MARCHF4: variants seen among roughly 807,000 people sequenced by gnomAD.
MARCHF4 encodes membrane associated ring-CH-type finger 4, also known as E3 ubiquitin-protein ligase MARCHF4.
In MARCHF4, 14 loss-of-function variants were observed where a neutral mutation model predicts 43.9. That is an observed-to-expected ratio of 0.32 (90% confidence interval 0.21 to 0.50). The LOEUF (loss-of-function observed/expected upper bound fraction) is 0.50, where lower values mean the gene tolerates loss of function less well. MARCHF4 is among the 20% of genes least tolerant of loss of function. MARCHF4 has a pLI of 0.98. For missense variants in MARCHF4, 468 were observed against 536.7 expected, an observed-to-expected ratio of 0.87 and a Z score of 1.27; for synonymous variants, 226 against 213.3, an observed-to-expected ratio of 1.06 and a Z score of -0.52.
chr2:216,296,042 G>A (rs1691386458), intron 1 of MARCHF4, among the ~76,000 whole-genome samples: 1 of 152,138 alleles, frequency 6.6e-6, no homozygotes, highest in Admixed American at 6.5e-5. Context: ...GCTACTAGGG[G>A]GGTTGAGGCA....
chr2:216,313,486 C>T (rs1245997425), intron 1 of MARCHF4, among the ~76,000 whole-genome samples: 3 of 152,172 alleles, frequency 2.0e-5, no homozygotes, highest in Admixed American at 1.3e-4. Context: ...AAAGACTAAA[C>T]GTTATGGCTT....
rs547869558 is a variant in MARCHF4, at chr2:216,329,020, G to A, written c.516+40725C>T. ...GCCTGAGCAACAAGAACGAAATTCC[G>A]TCTCAGAAAAACAACAAACAAGAAA... On this transcript the variant is annotated intron_variant, in intron 1 of 3. Coordinates refer to ENST00000273067, the MANE Select transcript of MARCHF4 (RefSeq NM_020814.3). Among the ~76,000 whole-genome samples the A allele has an allele frequency of 5.3e-5, 8 of 152,122 alleles. No homozygotes were observed. The East Asian group carries it at 9.7e-4, about 18-fold the overall frequency.
At chr2:216,291,532 C>T (rs776051146) in intron 1 of MARCHF4, among the ~76,000 whole-genome samples, 11 of 152,100 alleles carry the variant, frequency 7.2e-5, no homozygotes, top group Non-Finnish European at 1.3e-4. Context: ...ATCTGTGAAA[C>T]TGAGGGAGGA....
intron 3 of MARCHF4, among the ~76,000 whole-genome samples, chr2:216,277,011 C>T (rs1691036025): frequency 6.6e-6 from 1 of 152,168 alleles, no homozygotes; most frequent in Non-Finnish European, 1.5e-5. Flanking sequence ...TAAACGAAAC[C>T]TTATCTGGAA....
chr2:216,325,040 C>T (rs555354921), intron 1 of MARCHF4, among the ~76,000 whole-genome samples: 235 of 152,144 alleles, frequency 1.5e-3, no homozygotes, highest in African/African-American at 5.3e-3. Context: ...TGTTTGCAGA[C>T]GACATGACTG....
chr2:216,316,153 T>A (rs1359904862), intron 1 of MARCHF4, among the ~76,000 whole-genome samples: 1 of 152,172 alleles, frequency 6.6e-6, no homozygotes, highest in Non-Finnish European at 1.5e-5. Context: ...GACGCAGGTG[T>A]CTGGGGGTGA....
chr2:216,260,658 T>A (rs896756007), intron 3 of MARCHF4, among the ~76,000 whole-genome samples: 49 of 152,184 alleles, frequency 3.2e-4, no homozygotes, highest in Middle Eastern at 3.4e-3. Flanking sequence ...GGGAGGTAAG[T>A]TGAGCAGAGG....
intron 1 of MARCHF4, among the ~76,000 whole-genome samples, chr2:216,313,522 G>A (rs1156413218): frequency 6.6e-5 from 10 of 152,106 alleles, no homozygotes; most frequent in South Asian, 2.1e-4. Context: ...TAAAGCTCCC[G>A]TACCTACTTC....
chr2:216,328,894 C>G (rs1692039261), intron 1 of MARCHF4, among the ~76,000 whole-genome samples: 1 of 151,938 alleles, frequency 6.6e-6, no homozygotes, highest in Non-Finnish European at 1.5e-5. Flanking sequence ...AAAAATTAGC[C>G]AGGCATGGTG....
intron 3 of MARCHF4, among the ~76,000 whole-genome samples, chr2:216,269,515 CG>C (rs1690898604): frequency 6.6e-6 from 1 of 152,164 alleles, no homozygotes; most frequent in Non-Finnish European, 1.5e-5. Flanking sequence ...CTTTTAATGA[CG>C]TGAGGACACA....
intron 2 of MARCHF4, 74 bp from the exon 3 acceptor site, chr2:216,277,938 T>C (rs1691055191): frequency 1.3e-5 from 18 of 1,373,344 alleles, no homozygotes; most frequent in Non-Finnish European, 1.6e-5. Flanking sequence ...TTCTGTCTGC[T>C]GCTCCAACAG....
chr2:216,293,536 A>T (rs963308340), intron 1 of MARCHF4, among the ~76,000 whole-genome samples: 1 of 151,582 alleles, frequency 6.6e-6, no homozygotes. Flanking sequence ...TCTTCATGGA[A>T]TATTTTCCAG....
chr2:216,334,286 G>A (rs560702582), intron 1 of MARCHF4, among the ~76,000 whole-genome samples: 25 of 152,308 alleles, frequency 1.6e-4, no homozygotes, highest in African/African-American at 4.8e-4. Context: ...TGTGGTAGCC[G>A]CTAGCCAGCA....
chr2:216,272,371 A>G (rs1408083235), intron 3 of MARCHF4, among the ~76,000 whole-genome samples: 1 of 152,180 alleles, frequency 6.6e-6, no homozygotes, highest in Non-Finnish European at 1.5e-5. Flanking sequence ...AACCCTGAAT[A>G]TAGGACAGGA....
intron 3 of MARCHF4, among the ~76,000 whole-genome samples, chr2:216,263,760 A>G (rs1690797896): frequency 6.6e-6 from 1 of 152,156 alleles, no homozygotes; most frequent in African/African-American, 2.4e-5. Context: ...CGGTGTTCTC[A>G]GGACACAGCC....
At chr2:216,261,296 CT>C (rs1461497795) in intron 3 of MARCHF4, among the ~76,000 whole-genome samples, 1 of 152,104 alleles carries the variant, frequency 6.6e-6, no homozygotes, top group Admixed American at 6.6e-5. Context: ...GTCTTCTTGC[CT>C]TTTTTCAGCT....
intron 1 of MARCHF4, among the ~76,000 whole-genome samples, chr2:216,311,836 A>C (rs1003505670): frequency 1.3e-5 from 2 of 152,098 alleles, no homozygotes; most frequent in Non-Finnish European, 2.9e-5. Flanking sequence ...TTGTCTTATC[A>C]CTTTCTGCTC....
intron 1 of MARCHF4, among the ~76,000 whole-genome samples, chr2:216,324,464 A>T (rs1003273781): frequency 6.6e-6 from 1 of 152,152 alleles, no homozygotes; most frequent in African/African-American, 2.4e-5. Context: ...AACTCATTTT[A>T]TGAGGCCAGC....
intron 1 of MARCHF4, among the ~76,000 whole-genome samples, chr2:216,295,634 A>C (rs1310423705): frequency 2.0e-5 from 3 of 152,206 alleles, no homozygotes; most frequent in Non-Finnish European, 2.9e-5. Context: ...GGGAGAGGAC[A>C]CTGCTTTCTT....
Sources: gnomAD v4.1 joint callset for allele counts (sites outside exome capture counted in the v4.1 genomes callset) on GRCh38, gnomAD v4.1.1 for gene constraint, MANE v1.5 for transcripts, NCBI Gene and HGNC (gene_info 2026-07-23, HGNC 2026-07-21) for gene names.